Variants in SPHKAP observed in about 807,000 individuals in gnomAD.
SPHKAP encodes A-kinase anchor protein SPHKAP.
Under a neutral mutation model 137.5 loss-of-function variants are expected in SPHKAP, and 67 were observed. The observed-to-expected ratio is 0.49, with a 90% CI of 0.40 to 0.60. The LOEUF is 0.60. SPHKAP is among the 20% of genes least tolerant of loss of function. The probability of loss-of-function intolerance (pLI) is 0.00; values close to 1 mark genes in which losing one functional copy is unlikely to be tolerated. For synonymous variants in SPHKAP, 813 were observed against 785.3 expected, an observed-to-expected ratio of 1.04 and a Z score of -0.59; for missense variants, 2,097 against 2,069.3, an observed-to-expected ratio of 1.01 and a Z score of -0.26.
chr2:228,088,339 A>T (rs1256879002), intron 3 of SPHKAP, among the ~76,000 whole-genome samples: 1 of 152,326 alleles, frequency 6.6e-6, no homozygotes, highest in South Asian at 2.1e-4. Flanking sequence ...GTTTATATAT[A>T]TCTAAAGTGT....
intron 4 of SPHKAP, chr2:228,025,869 T>G (rs1029896765): frequency 1.0e-6 from 1 of 984,676 alleles, no homozygotes; most frequent in Non-Finnish European, 1.2e-6. Context: ...GCATAAAACA[T>G]TTTTTGTTTT....
chr2:228,106,393 C>T (rs112600045), intron 3 of SPHKAP, among the ~76,000 whole-genome samples: 1 of 152,054 alleles, frequency 6.6e-6, no homozygotes, highest in African/African-American at 2.4e-5. Context: ...GAGCTGGGTC[C>T]CCCCAGAGTT....
At chr2:228,029,625 T>C (rs747043207) in intron 3 of SPHKAP, among the ~76,000 whole-genome samples, 1 of 152,136 alleles carries the variant, frequency 6.6e-6, no homozygotes, top group Non-Finnish European at 1.5e-5. Context: ...TAGGAAGAAA[T>C]TGGCATGAGT....
chr2:228,106,480 T>C (rs963039282), intron 3 of SPHKAP, among the ~76,000 whole-genome samples: 2 of 152,204 alleles, frequency 1.3e-5, no homozygotes, highest in Admixed American at 1.3e-4. Context: ...TGTAAAGACA[T>C]TTAAGTTTGG....
intron 1 of SPHKAP, among the ~76,000 whole-genome samples, chr2:228,133,306 C>CAAATAAATAAAT (rs61240096): frequency 3.3e-4 from 49 of 148,428 alleles, no homozygotes; most frequent in African/African-American, 9.8e-4. Flanking sequence ...GACTCCATCT[C>CAAATAAATAAAT]AAATAAATAA....
chr2:228,155,667 T>A (rs13392828), intron 1 of SPHKAP, among the ~76,000 whole-genome samples: 1 of 152,126 alleles, frequency 6.6e-6, no homozygotes, highest in African/African-American at 2.4e-5. Flanking sequence ...TAGATGCCAC[T>A]GAGAAAACTG....
chr2:227,999,474 C>A (rs1315584949), intron 7 of SPHKAP, among the ~76,000 whole-genome samples: 2 of 152,136 alleles, frequency 1.3e-5, no homozygotes, highest in East Asian at 3.8e-4. Context: ...AGAAGATTCC[C>A]AAACCATTCA....
intron 2 of SPHKAP, among the ~76,000 whole-genome samples, chr2:228,114,153 A>C (rs1456723446): frequency 6.6e-6 from 1 of 152,166 alleles, no homozygotes; most frequent in African/African-American, 2.4e-5. Context: ...GACTTATTTT[A>C]GATGAAGAGC....
At chr2:228,131,395 CT>C in intron 2 of SPHKAP, 1 of 716,310 alleles carries the variant, frequency 1.4e-6, no homozygotes, top group Non-Finnish European at 1.7e-6. Flanking sequence ...GTTTTGGGGC[CT>C]TAGATTTGAT....
chr2:228,135,126 T>A (rs1348112489), intron 1 of SPHKAP, among the ~76,000 whole-genome samples: 1 of 151,708 alleles, frequency 6.6e-6, no homozygotes, highest in Non-Finnish European at 1.5e-5. Context: ...AATACAAAAT[T>A]AGCCGGGCAT....
chr2:228,018,144 A>G lies in SPHKAP; in HGVS notation c.2710T>C (p.Leu904=). The G allele has an allele frequency of 6.2e-7, 1 of 1,614,132 alleles. No individual in the cohort carries two copies. The highest frequency in any genetic ancestry group is 8.5e-7 in the Non-Finnish European group (1 of 1,180,006). ...GCAGGAAGCAGCAGGTCATCCCCTA[A>G]CAAGGACAGGTTGACTTGAACTTCG... ...INEVQVNLSL[L]GDDLLLPAQS... Residue 904 remains leucine, a synonymous_variant, in exon 7 of 12, where the codon TTA becomes CTA. Transcript: ENST00000392056.
rs950836629 is a variant in SPHKAP, at chr2:227,987,716, C to A, written c.4959+3284G>T. ...CCTTTAGGTGCCCCCAACTCCAAGGCCAAGTTCCTGGGCAGTGGTGGGAAA... is the reference window on the plus strand; with the variant it reads ...CCTTTAGGTGCCCCCAACTCCAAGGACAAGTTCCTGGGCAGTGGTGGGAAA... On this transcript the variant is annotated intron_variant, in intron 11 of 11. Coordinates refer to ENST00000392056, the MANE Select transcript of SPHKAP (RefSeq NM_001142644.2). Among the ~76,000 whole-genome samples the A allele has an allele frequency of 6.4e-4, 97 of 152,042 alleles. 1 individual carries two copies. Among genetic ancestry groups the A allele is most frequent in the Admixed American group, 2.0e-4 (3 of 15,264 alleles).
chr2:228,154,532 A>ATATAT (rs1264773949), intron 1 of SPHKAP, among the ~76,000 whole-genome samples: 3 of 29,404 alleles, frequency 1.0e-4, no homozygotes, highest in African/African-American at 1.4e-4. Context: ...ATATATATAT[A>ATATAT]TTTTTTTTTT....
At chr2:228,173,466 G>A (rs1182055767) in intron 1 of SPHKAP, among the ~76,000 whole-genome samples, 4 of 152,174 alleles carry the variant, frequency 2.6e-5, no homozygotes, top group Non-Finnish European at 5.9e-5. Context: ...GTGACCTGAT[G>A]TAATCACAAG....
chr2:228,155,720 G>T (rs1700089221), intron 1 of SPHKAP, among the ~76,000 whole-genome samples: 1 of 152,178 alleles, frequency 6.6e-6, no homozygotes, highest in African/African-American at 2.4e-5. Context: ...TGGTGATTAT[G>T]TAAAGAGACT....
Position 228,019,447 on chromosome 2 carries a change from G to A in SPHKAP, c.1407C>T (p.Ser469=). The A allele has an allele frequency of 6.2e-7, 1 of 1,614,188 alleles. No individual in the cohort carries two copies. The highest frequency in any genetic ancestry group is 8.5e-7 in the Non-Finnish European group (1 of 1,180,028). ...CAACAGAGACTTCCATCTCAGGCCA[G>A]GAGGAGATGCCTGGCTGTGGGGCAG... ...SDAAPQPGIS[S]WPEMEVSVET... Residue 469 remains serine, a synonymous_variant, in exon 7 of 12, where the codon TCC becomes TCT. Transcript: ENST00000392056.
chr2:228,130,441 A>G (rs1315626207), intron 2 of SPHKAP, among the ~76,000 whole-genome samples: 2 of 152,174 alleles, frequency 1.3e-5, no homozygotes, highest in Non-Finnish European at 2.9e-5. Flanking sequence ...AATACATAAT[A>G]CTATTTTCTT....
intron 1 of SPHKAP, among the ~76,000 whole-genome samples, chr2:228,152,334 A>AGAAAC (rs1699960350): frequency 6.6e-6 from 1 of 152,180 alleles, no homozygotes; most frequent in South Asian, 2.1e-4. Context: ...TTAGGTGAAT[A>AGAAAC]GAAACTTAAA....
chr2:228,092,142 C>CGTATATGTATATATGTGT (rs1697766226), intron 3 of SPHKAP, among the ~76,000 whole-genome samples: 1 of 129,538 alleles, frequency 7.7e-6, no homozygotes, highest in African/African-American at 3.0e-5. Flanking sequence ...TGTGTGTACA[C>CGTATATGTATATATGTGT]ATATATACAT....
Sources: gnomAD v4.1 joint callset for allele counts (sites outside exome capture counted in the v4.1 genomes callset) on GRCh38, gnomAD v4.1.1 for gene constraint, MANE v1.5 for transcripts, NCBI Gene and HGNC (gene_info 2026-07-23, HGNC 2026-07-21) for gene names.